TBC1D14: variants seen among roughly 807,000 people sequenced by gnomAD.
TBC1D14 encodes TBC1 domain family, member 14.
In TBC1D14, 26 loss-of-function variants were observed where a neutral mutation model predicts 79.0. The observed-to-expected ratio is 0.33, with a 90% CI of 0.24 to 0.46. The LOEUF is 0.46. Ranked by LOEUF, TBC1D14 falls within the 20% of genes least tolerant of loss-of-function variation. The pLI is 1.00. For synonymous variants in TBC1D14, 394 were observed against 349.9 expected (o/e 1.13, Z -1.40); for missense variants, 769 against 887.6 (o/e 0.87, Z 1.70).
At chr4:7,001,358 C>G (rs1489401661) in intron 7 of TBC1D14, 107 bp downstream of exon 7, 6 of 931,034 alleles carry the variant, frequency 6.4e-6, no homozygotes, top group Non-Finnish European at 1.0e-5. Flanking sequence ...GAATCTGTGT[C>G]TTTTGAGAGA....
intron 1 of TBC1D14, among the ~76,000 whole-genome samples, chr4:6,922,732 C>T (rs902908244): frequency 6.6e-6 from 1 of 152,146 alleles, no homozygotes; most frequent in Non-Finnish European, 1.5e-5. Context: ...TTTCACCACT[C>T]CCCCAAAAGA....
chr4:6,978,544 A>G (rs34087176), intron 3 of TBC1D14, among the ~76,000 whole-genome samples: 17,456 of 148,654 alleles, frequency 0.12, 1,312 homozygotes, highest in Middle Eastern at 0.23. Flanking sequence ...TGAAGGCAGC[A>G]TGCTCGTTAA....
chr4:6,924,262 C>G lies in TBC1D14; in HGVS notation c.722+151C>G, dbSNP rs574558216. 3.2e-5 allele frequency: 7 copies of G among 216,144 alleles called. No homozygotes were observed. In the Admixed American group the frequency reaches 7.2e-4, roughly 22 times the overall value. 13.4% of individuals were successfully genotyped at this position (216,144 alleles called of 1,614,324 possible). On this transcript the variant is annotated intron_variant, in intron 2 of 13. Coordinates refer to ENST00000409757, the MANE Select transcript of TBC1D14 (RefSeq NM_020773.3). ...GGGTCTTTTCCCAGAAGCCCGGAAT[C>G]CTGTGGGATTGTGAGAACTGGTCTG...
chr4:6,937,070 A>C (rs1330382898), intron 2 of TBC1D14, among the ~76,000 whole-genome samples: 2 of 152,124 alleles, frequency 1.3e-5, no homozygotes, highest in Admixed American at 6.5e-5. Context: ...GGCATGTGCC[A>C]CTGCGCCCGG....
chr4:6,949,993 C>G (rs957464654), intron 2 of TBC1D14, among the ~76,000 whole-genome samples: 6 of 151,858 alleles, frequency 4.0e-5, no homozygotes, highest in African/African-American at 1.5e-4. Context: ...TTTGTTGCAC[C>G]CATCAACCTG....
intron 13 of TBC1D14, among the ~76,000 whole-genome samples, chr4:7,028,857 G>A (rs1166576760): frequency 6.7e-6 from 1 of 150,350 alleles, no homozygotes; most frequent in Non-Finnish European, 1.5e-5. Context: ...TTTTTTTTGA[G>A]ACAGAGTCTC....
At chr4:7,027,993 C>T (rs1164405408) in intron 13 of TBC1D14, among the ~76,000 whole-genome samples, 2 of 136,628 alleles carry the variant, frequency 1.5e-5, no homozygotes, top group African/African-American at 5.5e-5. Flanking sequence ...CATAGATCAC[C>T]ACTTACACAT....
At chr4:6,935,648 CTTT>C (rs35944828) in intron 2 of TBC1D14, among the ~76,000 whole-genome samples, 1 of 146,098 alleles carries the variant, frequency 6.8e-6, no homozygotes. Context: ...TGTGAGTGTA[CTTT>C]TTTTTTTTTT....
intron 3 of TBC1D14, among the ~76,000 whole-genome samples, chr4:6,984,087 G>A (rs1577120792): frequency 6.6e-6 from 1 of 152,226 alleles, no homozygotes; most frequent in African/African-American, 2.4e-5. Context: ...ACAGTACTGG[G>A]GTGAGAGGGG....
intron 8 of TBC1D14, among the ~76,000 whole-genome samples, chr4:7,005,428 G>A (rs973951200): frequency 1.8e-4 from 28 of 152,192 alleles, no homozygotes; most frequent in Non-Finnish European, 2.5e-4. Flanking sequence ...CTAGCTACTC[G>A]GGAGGCCGAG....
chr4:6,975,271 G>A (rs1455614101), intron 3 of TBC1D14, among the ~76,000 whole-genome samples: 1 of 151,608 alleles, frequency 6.6e-6, no homozygotes, highest in African/African-American at 2.4e-5. Context: ...GTGCAGTGGC[G>A]CATCTCAGCT....
At chr4:6,961,380 A>C (rs953807165) in intron 2 of TBC1D14, among the ~76,000 whole-genome samples, 3 of 150,324 alleles carry the variant, frequency 2.0e-5, no homozygotes, top group Middle Eastern at 3.4e-3. Context: ...CATTCTTGTC[A>C]ACTGTGACCC....
intron 3 of TBC1D14, among the ~76,000 whole-genome samples, chr4:6,968,928 T>C (rs1237596676): frequency 1.3e-5 from 2 of 152,150 alleles, no homozygotes; most frequent in Admixed American, 1.3e-4. Flanking sequence ...GCTAAATGGA[T>C]GGGATTGACT....
At chr4:6,938,720 T>TG in intron 2 of TBC1D14, among the ~76,000 whole-genome samples, 1 of 152,314 alleles carries the variant, frequency 6.6e-6, no homozygotes, top group Non-Finnish European at 1.5e-5. Context: ...CAGCCTTGCC[T>TG]CGCGGGCCTT....
At chr4:6,945,100 G>A (rs1181819307) in intron 2 of TBC1D14, among the ~76,000 whole-genome samples, 1 of 152,170 alleles carries the variant, frequency 6.6e-6, no homozygotes, top group African/African-American at 2.4e-5. Flanking sequence ...GTGAGAGTGG[G>A]AGGTTTGAAT....
At chr4:6,924,518 A>G (rs908771112) in intron 2 of TBC1D14, among the ~76,000 whole-genome samples, 13 of 152,168 alleles carry the variant, frequency 8.5e-5, no homozygotes, top group African/African-American at 2.7e-4. Context: ...CCCTGCTGGC[A>G]TAGTGCAGTG....
intron 2 of TBC1D14, among the ~76,000 whole-genome samples, chr4:6,930,512 AG>A (rs1711620589): frequency 6.6e-6 from 1 of 152,110 alleles, no homozygotes; most frequent in South Asian, 2.1e-4. Flanking sequence ...AAAGTCTATG[AG>A]GGGGCCAGGC....
intron 2 of TBC1D14, among the ~76,000 whole-genome samples, chr4:6,960,044 G>C (rs1338473502): frequency 6.7e-5 from 10 of 149,798 alleles, no homozygotes; most frequent in Non-Finnish European, 1.5e-5. Flanking sequence ...TTACAAGACA[G>C]TATATGGGTG....
intron 11 of TBC1D14, among the ~76,000 whole-genome samples, chr4:7,011,549 T>TTTTTTG (rs1553872802): frequency 6.6e-5 from 10 of 152,086 alleles, no homozygotes; most frequent in Non-Finnish European, 1.3e-4. Flanking sequence ...TTTTTTGTTT[T>TTTTTTG]TTTTGTTTTG....
Sources: gnomAD v4.1 joint callset for allele counts (sites outside exome capture counted in the v4.1 genomes callset) on GRCh38, gnomAD v4.1.1 for gene constraint, MANE v1.5 for transcripts, NCBI Gene and HGNC (gene_info 2026-07-23, HGNC 2026-07-21) for gene names.